PIK3R5: variants seen among roughly 807,000 people sequenced by gnomAD.
The protein encoded by PIK3R5 is phosphoinositide-3-kinase regulatory subunit 5.
A neutral mutation model predicts 94.9 loss-of-function variants in PIK3R5; 32 were observed. The ratio of observed to expected loss-of-function variants is 0.34; its 90% confidence interval spans 0.25 to 0.45. The LOEUF is 0.45. Among genes scored for constraint, PIK3R5 ranks in the 20% least tolerant of loss-of-function variants. PIK3R5 has a pLI of 1.00. For missense variants in PIK3R5, 853 were observed against 1,144.6 expected, an observed-to-expected ratio of 0.75 and a Z score of 3.68; for synonymous variants, 443 against 479.4, an observed-to-expected ratio of 0.92 and a Z score of 0.99.
intron 1 of PIK3R5, among the ~76,000 whole-genome samples, chr17:8,944,234 C>T (rs1253800995): frequency 6.6e-6 from 1 of 152,120 alleles, no homozygotes; most frequent in Non-Finnish European, 1.5e-5. Context: ...TAGCTCCATC[C>T]ACATTTCTGC....
At position 8,945,006 on chromosome 17, in the gene PIK3R5, G is replaced by A. The variant is rs1263246682; in HGVS notation, c.-14+20590C>T. On this transcript the variant is annotated intron_variant, in intron 1 of 18. Transcript: ENST00000447110. The surrounding 1 kb of genome is among the most constrained non-coding windows in gnomAD (Gnocchi z 4.0). The stretch of plus-strand genomic sequence containing the variant: ...ATACACTTGAGAAAGTCAGGGTGTG[G>A]AAGAGGTTCTTCCTCTCCAGGAAGA... Among the ~76,000 whole-genome samples the A allele has an allele frequency of 6.6e-6, 1 of 152,172 alleles. No individual in the cohort carries two copies. Among genetic ancestry groups the A allele is most frequent in the East Asian group, 1.9e-4 (1 of 5,202 alleles).
chr17:8,945,166 A>T lies in PIK3R5; in HGVS notation c.-14+20430T>A, dbSNP rs116509270. Among the ~76,000 whole-genome samples the T allele has an allele frequency of 0.012, 1,802 of 152,116 alleles. 45 individuals carry two copies. The highest frequency in any genetic ancestry group is 0.042 in the African/African-American group (1,732 of 41,476). On this transcript the variant is annotated intron_variant, in intron 1 of 18. Transcript: ENST00000447110. The surrounding 1 kb of genome is among the most constrained non-coding windows in gnomAD (Gnocchi z 4.0). ...CCCCTCACCCCACTTCGAAGAGGGG[A>T]TCTACATCCTCCCCAGCTGCAGGAA... is the stretch of plus-strand genomic sequence containing the variant.
chr17:8,952,347 C>CT (rs2091390502), intron 1 of PIK3R5, among the ~76,000 whole-genome samples: 1 of 152,226 alleles, frequency 6.6e-6, no homozygotes, highest in Admixed American at 6.5e-5. Context: ...CATTTAGTTA[C>CT]AGCTGGTGGA....
chr17:8,944,635 G>C (rs2091242924), intron 1 of PIK3R5, among the ~76,000 whole-genome samples: 1 of 152,154 alleles, frequency 6.6e-6, no homozygotes, highest in Non-Finnish European at 1.5e-5. Context: ...TGGTGAAATG[G>C]GAACATGGGA....
At chr17:8,923,859 T>C (rs1055437227) in intron 1 of PIK3R5, among the ~76,000 whole-genome samples, 1 of 148,184 alleles carries the variant, frequency 6.7e-6, no homozygotes, top group Non-Finnish European at 1.5e-5. Flanking sequence ...AGTTGTGACA[T>C]TGCACCCTTC....
chr17:8,911,380 C>T lies in PIK3R5; in HGVS notation c.103+12G>A. The stretch of plus-strand genomic sequence containing the variant: ...GAGCCCTCAAACACCTCCCCGGCTC[C>T]CTTGGACCGACCTGACCAGGAGGTG... On this transcript the variant is annotated intron_variant, in intron 2 of 18. Coordinates refer to ENST00000447110, the MANE Select transcript of PIK3R5 (RefSeq NM_001142633.3). The surrounding 1 kb of genome is among the most constrained non-coding windows in gnomAD (Gnocchi z 5.3). The T allele has an allele frequency of 6.3e-7, 1 of 1,597,166 alleles. No individual in the cohort carries two copies. Among genetic ancestry groups the T allele is most frequent in the Non-Finnish European group, 8.5e-7 (1 of 1,177,706 alleles).
At chr17:8,886,402 C>T in intron 13 of PIK3R5, 75 bp downstream of exon 13, 15 of 1,599,906 alleles carry the variant, frequency 9.4e-6, no homozygotes, top group Non-Finnish European at 1.3e-5. Context: ...GACCTGCTGG[C>T]TCTCCCGGGG....
chr17:8,961,197 T>C (rs2091557195), intron 1 of PIK3R5, among the ~76,000 whole-genome samples: 1 of 152,080 alleles, frequency 6.6e-6, no homozygotes, highest in Non-Finnish European at 1.5e-5. Flanking sequence ...AAGAGCAATC[T>C]GGGGAGAAGC....
Position 8,881,722 on chromosome 17 carries a change from A to G in PIK3R5, c.2300-10T>C, listed in dbSNP as rs773774103. The stretch of plus-strand genomic sequence containing the variant: ...GCCTCCATGCTGGAATCTGAGGGGC[A>G]AGGACACTCAGGCCAGGCTCAGAGC... On this transcript the variant is annotated splice_polypyrimidine_tract_variant and intron_variant, in intron 16 of 18. Transcript: ENST00000447110. The surrounding 1 kb of genome is among the most constrained non-coding windows in gnomAD (Gnocchi z 4.8). 1.7e-5 allele frequency: 27 copies of G among 1,613,206 alleles called. No individual in the cohort carries two copies. Among genetic ancestry groups the G allele is most frequent in the Non-Finnish European group, 2.2e-5 (26 of 1,179,380 alleles).
chr17:8,881,535 A>G lies in PIK3R5; in HGVS notation c.2382+95T>C. 1 of 951,956 alleles carries G rather than the reference A, an allele frequency of 1.1e-6. No homozygotes were observed. Among genetic ancestry groups the G allele is most frequent in the Non-Finnish European group, 1.7e-6 (1 of 600,584 alleles). 59.0% of individuals were successfully genotyped at this position (951,956 alleles called of 1,614,324 possible). A position where few individuals can be genotyped will look rare whatever the true frequency, so the allele number is the denominator to read the frequency against. ...CGGGTGTGTATGTGCACACATGCAC[A>G]CACATACATGTGCACACACACGTAC... is the stretch of plus-strand genomic sequence containing the variant. On this transcript the variant is annotated intron_variant, in intron 17 of 18. Coordinates refer to ENST00000447110, the MANE Select transcript of PIK3R5 (RefSeq NM_001142633.3). The surrounding 1 kb of genome is among the most constrained non-coding windows in gnomAD (Gnocchi z 4.8).
chr17:8,886,280 G>A lies in PIK3R5; in HGVS notation c.2077C>T (p.His693Tyr), dbSNP rs868698850. ...TGEKTTEIFIHSLELGHSAAT... is the reference protein window; with the variant it reads ...TGEKTTEIFIYSLELGHSAAT... ...GCGGAGTGACCCAGCTCCAAGGAGT[G>A]GATGAAGATCTCTGTCGTCTTCTCC... The change falls in exon 14 of 19, where the codon CAC becomes TAC. Residue 693 changes from histidine (H) to tyrosine (Y), a missense_variant. Physicochemically the swap from His to Tyr is moderately conservative, Grantham distance 83. Around this residue, in one of 6 missense-constraint regions of PIK3R5, gnomAD observed 173 missense variants for 274.1 expected, o/e 0.63. Transcript: ENST00000447110. The A allele has an allele frequency of 1.1e-5, 17 of 1,613,578 alleles. No homozygotes were observed. In the African/African-American group the frequency reaches 1.6e-4, roughly 15 times the overall value.
chr17:8,911,765 AT>A lies in PIK3R5; in HGVS notation c.-13-259del, dbSNP rs2090530685. 2.7e-6 allele frequency: 1 copy of A among 376,810 alleles called. No homozygotes were observed. Among genetic ancestry groups the A allele is most frequent in the Admixed American group, 4.1e-5 (1 of 24,344 alleles). The allele number at this position is 376,810 out of a possible 1,614,324, so 23.3% of individuals were successfully genotyped here. On this transcript the variant is annotated intron_variant, in intron 1 of 18. Coordinates refer to ENST00000447110, the MANE Select transcript of PIK3R5 (RefSeq NM_001142633.3). The surrounding 1 kb of genome is among the most constrained non-coding windows in gnomAD (Gnocchi z 5.3). ...AGGTGTGGGAAGTAAGGGGTCAGGA[AT>A]GGGAGCAGAGAGGTGGAAAGGGCAC...
rs1567674248 is a variant in PIK3R5 at position 8,955,714 on chromosome 17, CG to C, written c.-14+9881del. Among the ~76,000 whole-genome samples the C allele has an allele frequency of 6.6e-6, 1 of 152,022 alleles. No individual in the cohort carries two copies. The highest frequency in any genetic ancestry group is 1.9e-4 in the East Asian group (1 of 5,182). Reference sequence around the variant, plus strand: ...ATGGAGAAAGGAAGCACCATCAAAACGGGCTGGGGAGTGGGGAACAAGGAAG... The same window carrying C: ...ATGGAGAAAGGAAGCACCATCAAAACGGCTGGGGAGTGGGGAACAAGGAAG... On this transcript the variant is annotated intron_variant, in intron 1 of 18. Coordinates refer to ENST00000447110, the MANE Select transcript of PIK3R5 (RefSeq NM_001142633.3). This position sits in a 1 kb window ranked among gnomAD's most constrained non-coding sequence, Gnocchi z 4.4.
At chr17:8,915,845 G>C (rs2090619688) in intron 1 of PIK3R5, 1 of 152,332 alleles carries the variant, frequency 6.6e-6, no homozygotes. Flanking sequence ...GCAGAACACA[G>C]TGCCATAGGA....
intron 1 of PIK3R5, among the ~76,000 whole-genome samples, chr17:8,931,587 A>G (rs951239702): frequency 6.6e-6 from 1 of 152,176 alleles, no homozygotes; most frequent in Non-Finnish European, 1.5e-5. Flanking sequence ...GGAGACAGAA[A>G]TTGGAGTTTG....
intron 1 of PIK3R5, among the ~76,000 whole-genome samples, chr17:8,938,404 T>G (rs891832574): frequency 1.3e-5 from 2 of 152,208 alleles, no homozygotes; most frequent in Middle Eastern, 3.2e-3. Flanking sequence ...TAACGTAAAC[T>G]CAACATTTTA....
Position 8,889,053 on chromosome 17 carries a change from C to T in PIK3R5, c.895+86G>A, listed in dbSNP as rs527445645. 1.9e-5 allele frequency: 29 copies of T among 1,518,326 alleles called. No homozygotes were observed. Among genetic ancestry groups the T allele is most frequent in the Admixed American group, 5.7e-5 (3 of 52,212 alleles). The allele number at this position is 1,518,326 out of a possible 1,614,324, so 94.1% of individuals were successfully genotyped here. ...TGCTCATGTGGGAGAGCTTTGGGGA[C>T]GGGGTGGGAGCTGCATGGACCCAGG... On this transcript the variant is annotated intron_variant, in intron 9 of 18. Transcript: ENST00000447110. The surrounding 1 kb of genome is among the most constrained non-coding windows in gnomAD (Gnocchi z 4.1).
rs146329965 is a variant in PIK3R5, at chr17:8,881,145, C to A, written c.2383-128G>T. On this transcript the variant is annotated intron_variant, in intron 17 of 18. Transcript: ENST00000447110. The surrounding 1 kb of genome is among the most constrained non-coding windows in gnomAD (Gnocchi z 4.8). ...GGGAGGGCAGGGGTTTGTCTGACTG[C>A]GCTCCAGGGTTAATGGCCAGGTCAC... 1.4e-5 allele frequency: 10 copies of A among 720,562 alleles called. No homozygotes were observed. The East Asian group carries it at 1.8e-4, about 13-fold the overall frequency. The allele number at this position is 720,562 out of a possible 1,614,324, so 44.6% of individuals were successfully genotyped here.
chr17:8,923,348 G>T (rs1353284735), intron 1 of PIK3R5, among the ~76,000 whole-genome samples: 1 of 152,134 alleles, frequency 6.6e-6, no homozygotes, highest in Non-Finnish European at 1.5e-5. Context: ...CAGCTAATAG[G>T]AATTGAAAGC....
Sources: allele counts gnomAD v4.1 joint callset (sites outside exome capture counted in the v4.1 genomes callset), GRCh38; gene constraint gnomAD v4.1.1; regional missense constraint gnomAD v4.1.1; non-coding constraint Gnocchi (gnomAD v3.1); transcripts MANE v1.5; gene names NCBI Gene and HGNC (gene_info 2026-07-23, HGNC 2026-07-21).